ZFYVE28: variants seen among roughly 807,000 people sequenced by gnomAD.
ZFYVE28 encodes the protein lateral signaling target protein 2 homolog.
A neutral mutation model predicts 82.1 loss-of-function variants in ZFYVE28; 40 were observed. The observed-to-expected ratio is 0.49, with a 90% CI of 0.38 to 0.63. ZFYVE28 has a LOEUF of 0.63. Among genes scored for constraint, ZFYVE28 ranks in the 30% least tolerant of loss-of-function variants. The probability of loss-of-function intolerance (pLI) is 0.00; values close to 1 mark genes in which losing one functional copy is unlikely to be tolerated. For missense variants in ZFYVE28, 1,321 were observed against 1,242.1 expected (o/e 1.06, Z -0.96); for synonymous variants, 612 against 546.1 (o/e 1.12, Z -1.68).
rs1015553730 is a variant in ZFYVE28 at position 2,339,315 on chromosome 4, C to G, written c.521+138G>C. The G allele has an allele frequency of 2.8e-5, 26 of 943,198 alleles. 1 individual carries two copies. In the Admixed American group the frequency reaches 6.3e-4, roughly 23 times the overall value. The allele number at this position is 943,198 out of a possible 1,614,324, so 58.4% of individuals were successfully genotyped here. On this transcript the variant is annotated intron_variant, in intron 4 of 12. Transcript: ENST00000290974. This position sits in a 1 kb window ranked among gnomAD's most constrained non-coding sequence, Gnocchi z 5.0. ...CTATGCTCTCCAGGGCTTAACCCCA[C>G]CCACAGGCGGCCCTGAACCTGCCTG...
intron 7 of ZFYVE28, among the ~76,000 whole-genome samples, chr4:2,314,845 C>T (rs1717978425): frequency 6.6e-6 from 1 of 152,180 alleles, no homozygotes; most frequent in Admixed American, 6.5e-5. Context: ...GTGGCACAAT[C>T]ATAGCTCACT....
intron 7 of ZFYVE28, among the ~76,000 whole-genome samples, chr4:2,308,706 A>AG (rs200646497): frequency 6.7e-6 from 1 of 149,016 alleles, no homozygotes; most frequent in Non-Finnish European, 1.5e-5. Context: ...AGAAAAGAAA[A>AG]AAGAAAAGAA....
chr4:2,336,206 T>C (rs114305711), intron 5 of ZFYVE28, among the ~76,000 whole-genome samples: 3,648 of 152,162 alleles, frequency 0.024, 155 homozygotes, highest in African/African-American at 0.083. Context: ...CCCAAACAAT[T>C]CAACACTTCC....
Position 2,339,683 on chromosome 4 carries a change from G to C in ZFYVE28, c.319-28C>G. 6.4e-7 allele frequency: 1 copy of C among 1,563,748 alleles called. No individual in the cohort carries two copies. The highest frequency in any genetic ancestry group is 1.2e-5 in the South Asian group (1 of 85,858). ...GCGGGAGGGGACACACTCAGGGAGG[G>C]GCCCGGGTGAGGGCCAGGCTCTCAG... On this transcript the variant is annotated intron_variant, in intron 3 of 12. Coordinates refer to ENST00000290974, the MANE Select transcript of ZFYVE28 (RefSeq NM_020972.3). The surrounding 1 kb of genome is among the most constrained non-coding windows in gnomAD (Gnocchi z 5.0).
intron 1 of ZFYVE28, among the ~76,000 whole-genome samples, chr4:2,360,916 C>A (rs932248993): frequency 2.0e-5 from 3 of 152,180 alleles, no homozygotes; most frequent in South Asian, 2.1e-4. Context: ...TTGAATCCAC[C>A]AGCTTTATTC....
intron 1 of ZFYVE28, among the ~76,000 whole-genome samples, chr4:2,359,057 C>T (rs1327386371): frequency 6.6e-6 from 1 of 150,846 alleles, no homozygotes; most frequent in Non-Finnish European, 1.5e-5. Context: ...TCACTGCAAG[C>T]TCAGCCTCCC....
intron 4 of ZFYVE28, among the ~76,000 whole-genome samples, chr4:2,338,878 G>A (rs1204419901): frequency 1.3e-5 from 2 of 152,212 alleles, no homozygotes; most frequent in Admixed American, 6.5e-5. Context: ...AGGCTGGAAT[G>A]CAGTGGCTGG....
chr4:2,379,993 G>C (rs190922280), intron 1 of ZFYVE28, among the ~76,000 whole-genome samples: 8 of 152,198 alleles, frequency 5.3e-5, no homozygotes, highest in African/African-American at 1.7e-4. Context: ...TTGCCATGTT[G>C]CCCAGGCTGG....
At chr4:2,333,483 G>A (rs1291786172) in intron 6 of ZFYVE28, among the ~76,000 whole-genome samples, 1 of 151,862 alleles carries the variant, frequency 6.6e-6, no homozygotes, top group East Asian at 1.9e-4. Context: ...GGGCAAACAC[G>A]GGCAGCAGAC....
At position 2,305,396 on chromosome 4, in the gene ZFYVE28, G is replaced by C. The variant is rs1299639714; in HGVS notation, c.944C>G (p.Pro315Arg). 1.9e-6 allele frequency: 3 copies of C among 1,612,672 alleles called. No individual in the cohort carries two copies. The highest frequency in any genetic ancestry group is 2.2e-5 in the South Asian group (2 of 91,066). The change falls in exon 8 of 13, where the codon CCC (proline) becomes CGC (arginine). Residue 315 changes from proline to arginine, a missense_variant. Transcript: ENST00000290974. The part of the protein sequence containing the change: ...ALAPALSAPL[P>R]PEGPLSAKAK... Reference sequence around the variant, plus strand: ...CTTAGCTGAGAGTGGCCCCTCAGGGGGGAGAGGGGCAGAGAGGGCAGGCGC... The same window carrying C: ...CTTAGCTGAGAGTGGCCCCTCAGGGCGGAGAGGGGCAGAGAGGGCAGGCGC...
At chr4:2,279,696 G>C (rs1345799527) in intron 8 of ZFYVE28, among the ~76,000 whole-genome samples, 5 of 151,822 alleles carry the variant, frequency 3.3e-5, no homozygotes, top group Non-Finnish European at 7.4e-5. Context: ...CAGAAGAATG[G>C]CGTGAACCCG....
intron 1 of ZFYVE28, among the ~76,000 whole-genome samples, chr4:2,407,945 G>C (rs1249167604): frequency 6.6e-6 from 1 of 152,212 alleles, no homozygotes; most frequent in Non-Finnish European, 1.5e-5. Flanking sequence ...ATGCCAGGGA[G>C]TGTGCTCACG....
At chr4:2,397,231 G>T (rs975662117) in intron 1 of ZFYVE28, among the ~76,000 whole-genome samples, 1 of 152,132 alleles carries the variant, frequency 6.6e-6, no homozygotes, top group Non-Finnish European at 1.5e-5. Context: ...TAGCACTTTG[G>T]GAGGCCAAGG....
At chr4:2,390,314 C>G (rs1560325220) in intron 1 of ZFYVE28, among the ~76,000 whole-genome samples, 1 of 152,170 alleles carries the variant, frequency 6.6e-6, no homozygotes, top group Non-Finnish European at 1.5e-5. Context: ...TTGTGGACTT[C>G]GGGCCTCAGA....
At chr4:2,283,623 A>G (rs2108805173) in intron 8 of ZFYVE28, among the ~76,000 whole-genome samples, 1 of 150,384 alleles carries the variant, frequency 6.6e-6, no homozygotes, top group Admixed American at 6.7e-5. Flanking sequence ...CCCTACAAAC[A>G]TGCACTAAGC....
At chr4:2,413,659 T>C (rs1348423981) in intron 1 of ZFYVE28, among the ~76,000 whole-genome samples, 1 of 152,152 alleles carries the variant, frequency 6.6e-6, no homozygotes. Context: ...AGCTGGGCAC[T>C]TGGAGTTTAT....
In ZFYVE28 at chr4:2,362,857, G is replaced by A. The variant is rs923789377; in HGVS notation, c.40-8784C>T. Among the ~76,000 whole-genome samples the A allele has an allele frequency of 6.6e-6, 1 of 152,092 alleles. No individual in the cohort carries two copies. Among genetic ancestry groups the A allele is most frequent in the South Asian group, 2.1e-4 (1 of 4,824 alleles). ...CAGCAGGAGGCCTGGCAGGGAGTGA[G>A]GATGGGACGGTCCTGCTCACTTCCT... On this transcript the variant is annotated intron_variant, in intron 1 of 12. Transcript: ENST00000290974. The surrounding 1 kb of genome is among the most constrained non-coding windows in gnomAD (Gnocchi z 5.1).
At chr4:2,302,074 G>A (rs1471694249) in intron 8 of ZFYVE28, among the ~76,000 whole-genome samples, 2 of 152,262 alleles carry the variant, frequency 1.3e-5, no homozygotes, top group Non-Finnish European at 2.9e-5. Context: ...GGCTCGGGCA[G>A]AAGGCCAGGA....
At chr4:2,371,856 A>G (rs1560300003) in intron 1 of ZFYVE28, among the ~76,000 whole-genome samples, 2 of 141,638 alleles carry the variant, frequency 1.4e-5, no homozygotes, top group Non-Finnish European at 1.6e-5. Flanking sequence ...CCCGCCCCCC[A>G]CCCAGCGTGA....
Sources: gnomAD v4.1 joint callset for allele counts (sites outside exome capture counted in the v4.1 genomes callset) on GRCh38, gnomAD v4.1.1 for gene constraint, Gnocchi (gnomAD v3.1) non-coding constraint, MANE v1.5 for transcripts, NCBI Gene and HGNC (gene_info 2026-07-23, HGNC 2026-07-21) for gene names.